Variants in GALNT11 observed in about 807,000 individuals in gnomAD.
GALNT11 encodes the protein polypeptide N-acetylgalactosaminyltransferase 11.
A neutral mutation model predicts 72.7 loss-of-function variants in GALNT11; 47 were observed. The observed-to-expected ratio is 0.65, with a 90% confidence interval of 0.51 to 0.82. GALNT11 has a LOEUF of 0.82. GALNT11 is among the 40% of genes least tolerant of loss of function. GALNT11 has a pLI of 0.00. For missense variants in GALNT11, 677 were observed against 778.4 expected (o/e 0.87, Z 1.55); for synonymous variants, 270 against 286.6 (o/e 0.94, Z 0.58).
chr7:152,099,654 C>T (rs1348075861), intron 2 of GALNT11, among the ~76,000 whole-genome samples: 1 of 147,080 alleles, frequency 6.8e-6, no homozygotes, highest in East Asian at 2.0e-4. Flanking sequence ...TCCCATAGTG[C>T]TGGGATTACA....
At chr7:152,077,551 A>G (rs975249742) in intron 1 of GALNT11, among the ~76,000 whole-genome samples, 1 of 152,268 alleles carries the variant, frequency 6.6e-6, no homozygotes, top group Middle Eastern at 3.4e-3. Context: ...GGAGTGTGCC[A>G]GCCTTTGCCT....
chr7:152,075,960 G>T (rs1366761090), intron 1 of GALNT11, among the ~76,000 whole-genome samples: 1 of 150,644 alleles, frequency 6.6e-6, no homozygotes, highest in Non-Finnish European at 1.5e-5. Flanking sequence ...TACTCCGGAG[G>T]CTGAGGCAGG....
At chr7:152,025,949 GGC>G in intron 1 of GALNT11, 65 bp downstream of exon 1, 1 of 160,902 alleles carries the variant, frequency 6.2e-6, no homozygotes, top group East Asian at 1.9e-4. Context: ...CGGCGGCGGC[GGC>G]GCGCGGGGCC....
chr7:152,110,847 C>T (rs1294120785), intron 7 of GALNT11, among the ~76,000 whole-genome samples: 1 of 151,706 alleles, frequency 6.6e-6, no homozygotes, highest in Admixed American at 6.6e-5. Context: ...CCTCTTGCCT[C>T]AGCCTCCTGA....
chr7:152,026,155 C>T (rs552260412), intron 1 of GALNT11, among the ~76,000 whole-genome samples: 1 of 152,280 alleles, frequency 6.6e-6, no homozygotes, highest in South Asian at 2.1e-4. Context: ...GTATTTAGGA[C>T]GGAGGCACAC....
In GALNT11 at chr7:152,094,175, A is replaced by T; in HGVS notation, c.-38-15A>T. ...GTATACTGAAGTGTCTAACATATTT[A>T]TTCTTCTTTTTTAGGAAATTGACAA... On this transcript the variant is annotated splice_polypyrimidine_tract_variant and intron_variant, in intron 1 of 11. Coordinates refer to ENST00000430044, the MANE Select transcript of GALNT11 (RefSeq NM_022087.4). This position sits in a 1 kb window ranked among gnomAD's most constrained non-coding sequence, Gnocchi z 4.3. The T allele has an allele frequency of 6.6e-7, 1 of 1,522,494 alleles. No individual in the cohort carries two copies. The highest frequency in any genetic ancestry group is 8.8e-7 in the Non-Finnish European group (1 of 1,134,562). 94.3% of individuals were successfully genotyped at this position (1,522,494 alleles called of 1,614,324 possible). A position where few individuals can be genotyped will look rare whatever the true frequency, so the allele number is the denominator to read the frequency against.
chr7:152,067,990 G>A (rs1474082359), intron 1 of GALNT11, among the ~76,000 whole-genome samples: 1 of 152,024 alleles, frequency 6.6e-6, no homozygotes, highest in African/African-American at 2.4e-5. Context: ...ACTTTTAAAT[G>A]ACCAGATCTT....
At chr7:152,103,454 T>A in intron 4 of GALNT11, 176 bp downstream of exon 4, 2 of 586,134 alleles carry the variant, frequency 3.4e-6, no homozygotes, top group South Asian at 4.0e-5. Context: ...GTAACCTGCT[T>A]ATAAACTATG....
At chr7:152,035,515 T>C (rs1016371667) in intron 1 of GALNT11, among the ~76,000 whole-genome samples, 2 of 152,122 alleles carry the variant, frequency 1.3e-5, no homozygotes, top group Non-Finnish European at 2.9e-5. Context: ...ACCAACTTGT[T>C]GTCAGGACCC....
At chr7:152,040,458 C>A (rs907388246) in intron 1 of GALNT11, among the ~76,000 whole-genome samples, 1 of 152,172 alleles carries the variant, frequency 6.6e-6, no homozygotes, top group African/African-American at 2.4e-5. Context: ...GCGTTTGAGA[C>A]CAGAGGCATT....
chr7:152,055,517 A>C (rs2083616863), intron 1 of GALNT11, among the ~76,000 whole-genome samples: 1 of 106,882 alleles, frequency 9.4e-6, no homozygotes. Flanking sequence ...GGTATATATA[A>C]AGCGTGTGTG....
chr7:152,080,558 A>C (rs113202187), intron 1 of GALNT11, among the ~76,000 whole-genome samples: 2 of 152,338 alleles, frequency 1.3e-5, no homozygotes, highest in South Asian at 2.1e-4. Flanking sequence ...TAAGTAGTAG[A>C]TTATATAGCA....
intron 1 of GALNT11, among the ~76,000 whole-genome samples, chr7:152,043,394 G>A (rs1326604544): frequency 6.6e-6 from 1 of 152,246 alleles, no homozygotes. Context: ...GCTGTGGCGG[G>A]GGACAGACAT....
chr7:152,120,048 ACTTAGTTATGCTTATTG>A (rs1203178152), intron 10 of GALNT11: 7 of 152,216 alleles, frequency 4.6e-5, no homozygotes, highest in African/African-American at 7.2e-5. Flanking sequence ...TCTAAGGCTA[ACTTAGTTATGCTTATTG>A]CTTAGTTATG....
Position 152,069,837 on chromosome 7 carries a change from C to G in GALNT11, c.-38-24353C>G, listed in dbSNP as rs372826470. ...TCTTACAGACATGATATAGTTAGGT[C>G]TTTTTAAAAAATTTTGTCCACTGTG... On this transcript the variant is annotated intron_variant, in intron 1 of 11. Coordinates refer to ENST00000430044, the MANE Select transcript of GALNT11 (RefSeq NM_022087.4). 2.8e-4 allele frequency among the ~76,000 whole-genome samples: 43 copies of G among 152,144 alleles called. No individual in the cohort carries two copies. In the South Asian group the frequency reaches 8.5e-3, roughly 30 times the overall value.
intron 1 of GALNT11, among the ~76,000 whole-genome samples, chr7:152,088,266 G>T (rs2085780262): frequency 6.6e-6 from 1 of 152,086 alleles, no homozygotes; most frequent in Admixed American, 6.5e-5. Flanking sequence ...TATCATGTTT[G>T]CTACCAGATT....
At chr7:152,077,325 C>G (rs1381075209) in intron 1 of GALNT11, among the ~76,000 whole-genome samples, 2 of 152,150 alleles carry the variant, frequency 1.3e-5, no homozygotes, top group African/African-American at 4.8e-5. Flanking sequence ...TGATAGAAAA[C>G]CAGAGACGTG....
chr7:152,076,061 C>CAAAAAAA (rs71198757), intron 1 of GALNT11, among the ~76,000 whole-genome samples: 4 of 71,322 alleles, frequency 5.6e-5, no homozygotes, highest in African/African-American at 1.2e-4. Flanking sequence ...GACTCCGTCT[C>CAAAAAAA]AAAAAAAAAA....
chr7:152,058,750 A>T (rs532840116), intron 1 of GALNT11, among the ~76,000 whole-genome samples: 1 of 152,354 alleles, frequency 6.6e-6, no homozygotes, highest in South Asian at 2.1e-4. Context: ...CTTCTTTCAA[A>T]ATTAGAGTCA....
Sources: gnomAD v4.1 joint callset for allele counts (sites outside exome capture counted in the v4.1 genomes callset) on GRCh38, gnomAD v4.1.1 for gene constraint, Gnocchi (gnomAD v3.1) non-coding constraint, MANE v1.5 for transcripts, NCBI Gene and HGNC (gene_info 2026-07-23, HGNC 2026-07-21) for gene names.